The following SLC4A4 variants were observed in gnomAD, a reference collection of about 807,000 sequenced individuals.
SLC4A4 encodes solute carrier family 4 member 4.
In SLC4A4, 27 loss-of-function variants were observed where a neutral mutation model predicts 111.5. That is an observed-to-expected ratio of 0.24 (90% CI 0.18 to 0.33). The LOEUF is 0.33. SLC4A4 is among the 10% of genes least tolerant of loss of function. SLC4A4 has a pLI of 1.00. For synonymous variants in SLC4A4, 443 were observed against 463.4 expected, an observed-to-expected ratio of 0.96 and a Z score of 0.57; for missense variants, 909 against 1,315.5, an observed-to-expected ratio of 0.69 and a Z score of 4.78.
chr4:71,169,109 C>G (rs1264747190), intron 2 of SLC4A4, among the ~76,000 whole-genome samples: 1 of 151,756 alleles, frequency 6.6e-6, no homozygotes, highest in Non-Finnish European at 1.5e-5. Flanking sequence ...ACCTCCGCCT[C>G]CCAGATTCTC....
chr4:71,509,487 C>T (rs1254902337), intron 16 of SLC4A4, among the ~76,000 whole-genome samples: 2 of 151,898 alleles, frequency 1.3e-5, no homozygotes, highest in Non-Finnish European at 2.9e-5. Context: ...GACTCAGTAG[C>T]ATGGTTGCCA....
At chr4:71,446,469 G>A (rs1001052978) in intron 8 of SLC4A4, among the ~76,000 whole-genome samples, 1 of 152,110 alleles carries the variant, frequency 6.6e-6, no homozygotes, top group African/African-American at 2.4e-5. Flanking sequence ...TATATCAGTT[G>A]GGCAGGTAGT....
chr4:71,384,241 A>T (rs1718444362), intron 6 of SLC4A4, among the ~76,000 whole-genome samples: 2 of 152,334 alleles, frequency 1.3e-5, no homozygotes, highest in South Asian at 4.1e-4. Context: ...AAATGAGTAT[A>T]TGAGCAAGTG....
intron 3 of SLC4A4, among the ~76,000 whole-genome samples, chr4:71,315,106 G>A (rs980519): frequency 0.14 from 20,828 of 152,008 alleles, 2,170 homozygotes; most frequent in African/African-American, 0.25. Flanking sequence ...TTATCAAGCT[G>A]AACAGTAACT....
chr4:71,558,100 C>G (rs1026305), intron 22 of SLC4A4, among the ~76,000 whole-genome samples: 141,831 of 151,970 alleles, frequency 0.93, 66,732 homozygotes, highest in Non-Finnish European at 0.99. Context: ...TACTGGCCCT[C>G]GTTCATGCTC....
chr4:71,567,194 TTA>T (rs1322900235), intron 25 of SLC4A4, 111 bp downstream of exon 25: 3 of 872,936 alleles, frequency 3.4e-6, no homozygotes, highest in African/African-American at 1.8e-5. Context: ...TCTCTATTAT[TTA>T]TCTTAAATAA....
At chr4:71,336,685 T>C (rs193032721) in intron 3 of SLC4A4, among the ~76,000 whole-genome samples, 31 of 152,332 alleles carry the variant, frequency 2.0e-4, no homozygotes, top group African/African-American at 7.0e-4. Flanking sequence ...CTAAAACTCC[T>C]TGAATGTGAA....
At chr4:71,141,543 C>T (rs962713436) in intron 2 of SLC4A4, among the ~76,000 whole-genome samples, 1 of 152,168 alleles carries the variant, frequency 6.6e-6, no homozygotes, top group Non-Finnish European at 1.5e-5. Flanking sequence ...CATACCTTTG[C>T]CTGGCTTGCT....
intron 6 of SLC4A4, among the ~76,000 whole-genome samples, chr4:71,384,601 A>T (rs937496198): frequency 1.4e-5 from 2 of 146,718 alleles, no homozygotes; most frequent in Non-Finnish European, 3.0e-5. Context: ...ACGCCATTGC[A>T]CTCAAGCCTG....
chr4:71,453,254 T>C (rs1264331271), intron 11 of SLC4A4, among the ~76,000 whole-genome samples: 1 of 152,202 alleles, frequency 6.6e-6, no homozygotes, highest in Non-Finnish European at 1.5e-5. Flanking sequence ...CACTCTTTTC[T>C]AAAGACCAAC....
chr4:71,541,581 A>G (rs1735068228), intron 18 of SLC4A4, among the ~76,000 whole-genome samples: 1 of 152,116 alleles, frequency 6.6e-6, no homozygotes, highest in Non-Finnish European at 1.5e-5. Flanking sequence ...GAGCATGGAA[A>G]GGGAGGCTTT....
At chr4:71,534,425 C>G in intron 18 of SLC4A4, 37 bp downstream of exon 18, 1 of 1,601,092 alleles carries the variant, frequency 6.2e-7, no homozygotes, top group Non-Finnish European at 8.6e-7. Flanking sequence ...TTGCCTTCTA[C>G]TTTCTTTTTA....
intron 2 of SLC4A4, among the ~76,000 whole-genome samples, chr4:71,182,003 A>C (rs544765378): frequency 4.6e-5 from 7 of 152,336 alleles, no homozygotes; most frequent in African/African-American, 1.7e-4. Flanking sequence ...CACCCTCTTC[A>C]TAGCATTTAT....
intron 2 of SLC4A4, among the ~76,000 whole-genome samples, chr4:71,172,732 G>A (rs889856068): frequency 2.0e-5 from 3 of 152,102 alleles, no homozygotes; most frequent in Admixed American, 6.5e-5. Context: ...TTAATTTAGG[G>A]ATGAAGATTA....
At chr4:71,348,302 T>C (rs978343728) in intron 4 of SLC4A4, among the ~76,000 whole-genome samples, 7 of 131,302 alleles carry the variant, frequency 5.3e-5, no homozygotes, top group Admixed American at 4.2e-4. Flanking sequence ...AGTGAAGAAA[T>C]ACTAATTTAG....
chr4:71,527,002 A>T (rs1733479225), intron 16 of SLC4A4, among the ~76,000 whole-genome samples: 1 of 152,072 alleles, frequency 6.6e-6, no homozygotes, highest in South Asian at 2.1e-4. Flanking sequence ...AATTCAGGCT[A>T]ATCTTCCTAA....
intron 3 of SLC4A4, among the ~76,000 whole-genome samples, chr4:71,264,494 A>G (rs1722093063): frequency 6.6e-6 from 1 of 152,112 alleles, no homozygotes; most frequent in African/African-American, 2.4e-5. Context: ...TCTGGATGCA[A>G]ATGTTTAATA....
chr4:71,201,490 A>T (rs1157734418), intron 1 of SLC4A4, among the ~76,000 whole-genome samples: 2 of 152,342 alleles, frequency 1.3e-5, no homozygotes, highest in East Asian at 3.9e-4. Context: ...TGCACAGCAC[A>T]GCACCAAAGA....
intron 2 of SLC4A4, among the ~76,000 whole-genome samples, chr4:71,109,513 A>G (rs956886693): frequency 6.6e-6 from 1 of 151,844 alleles, no homozygotes; most frequent in Non-Finnish European, 1.5e-5. Context: ...TGATATTTGG[A>G]GGACAGGGTC....
Sources: allele counts gnomAD v4.1 joint callset (sites outside exome capture counted in the v4.1 genomes callset), GRCh38; gene constraint gnomAD v4.1.1; transcripts MANE v1.5; gene names NCBI Gene and HGNC (gene_info 2026-07-23, HGNC 2026-07-21).